Variants in ELOVL6 observed in about 807,000 individuals in gnomAD.
The protein encoded by ELOVL6 is very long chain fatty acid elongase 6.
A neutral mutation model predicts 31.7 loss-of-function variants in ELOVL6; 8 were observed. The ratio of observed to expected loss-of-function variants is 0.25; its 90% CI spans 0.15 to 0.45. The LOEUF is 0.45. Among genes scored for constraint, ELOVL6 ranks in the 20% least tolerant of loss-of-function variants. ELOVL6 has a pLI of 1.00. For missense variants in ELOVL6, 126 were observed against 326.4 expected (o/e 0.39, Z 4.73); for synonymous variants, 101 against 117.7 (o/e 0.86, Z 0.92).
chr4:110,098,687 G>A (rs1449827178), intron 2 of ELOVL6, among the ~76,000 whole-genome samples: 2 of 151,964 alleles, frequency 1.3e-5, no homozygotes, highest in African/African-American at 2.4e-5. Context: ...TTTCATAAAT[G>A]ATTTTACACT....
intron 1 of ELOVL6, among the ~76,000 whole-genome samples, chr4:110,156,553 C>T (rs1209473839): frequency 6.6e-6 from 1 of 151,918 alleles, no homozygotes. Flanking sequence ...AGGCATGGCA[C>T]CAAGCATCTG....
intron 2 of ELOVL6, among the ~76,000 whole-genome samples, chr4:110,100,512 G>A (rs1756711366): frequency 6.6e-6 from 1 of 152,084 alleles, no homozygotes; most frequent in Non-Finnish European, 1.5e-5. Flanking sequence ...GTATGCTGCA[G>A]ATATGATTTA....
chr4:110,150,854 C>A (rs561667952), intron 1 of ELOVL6, among the ~76,000 whole-genome samples: 4 of 152,132 alleles, frequency 2.6e-5, no homozygotes, highest in African/African-American at 9.6e-5. Flanking sequence ...ACCAGCCTGG[C>A]CAACATGGTG....
At chr4:110,127,036 A>G (rs1398927796) in intron 1 of ELOVL6, among the ~76,000 whole-genome samples, 4 of 152,120 alleles carry the variant, frequency 2.6e-5, no homozygotes, top group African/African-American at 4.8e-5. Context: ...AGGAAAAGGA[A>G]AAGTAGTAGA....
At chr4:110,084,034 GGT>G (rs1756013367) in intron 2 of ELOVL6, among the ~76,000 whole-genome samples, 1 of 9,208 alleles carries the variant, frequency 1.1e-4, no homozygotes, top group Non-Finnish European at 2.7e-4. Flanking sequence ...TGCCATATAT[GGT>G]ATATAACACA....
rs1757229030 is a variant in ELOVL6, at chr4:110,117,918, A to ATC, written c.90-12291_90-12290insGA. 2.2e-4 allele frequency: 6 copies of ATC among 27,158 alleles called. 1 individual carries two copies. Among genetic ancestry groups the ATC allele is most frequent in the Non-Finnish European group, 3.8e-4 (6 of 15,858 alleles). 1.7% of individuals were successfully genotyped at this position (27,158 alleles called of 1,614,324 possible). On this transcript the variant is annotated intron_variant, in intron 1 of 3. Transcript: ENST00000302274. ...AAAAAAAAAAAATATATATATATAT[A>ATC]TATATATCTCCCCAGAGAGGAGAAA...
chr4:110,190,149 CTA>C (rs1759571305), intron 1 of ELOVL6, among the ~76,000 whole-genome samples: 1 of 151,846 alleles, frequency 6.6e-6, no homozygotes, highest in East Asian at 1.9e-4. Flanking sequence ...TATTACAAAA[CTA>C]TGAGTGATTT....
intron 2 of ELOVL6, among the ~76,000 whole-genome samples, chr4:110,089,358 G>C (rs529566632): frequency 6.6e-6 from 1 of 152,054 alleles, no homozygotes; most frequent in Non-Finnish European, 1.5e-5. Flanking sequence ...GGTATTCCTA[G>C]GATGTGAAAC....
At chr4:110,083,670 G>A (rs139037821) in intron 2 of ELOVL6, among the ~76,000 whole-genome samples, 1 of 151,580 alleles carries the variant, frequency 6.6e-6, no homozygotes, top group African/African-American at 2.4e-5. Context: ...AAGGACTGTA[G>A]TAATTACTAC....
chr4:110,045,864 G>C lies in ELOVL6; in HGVS notation c.*5474C>G, dbSNP rs1754687678. The C allele has an allele frequency of 1.3e-5, 2 of 152,098 alleles. No individual in the cohort carries two copies. The highest frequency in any genetic ancestry group is 4.8e-5 in the African/African-American group (2 of 41,400). The allele number at this position is 152,098 out of a possible 1,614,324, so 9.4% of individuals were successfully genotyped here. A position where few individuals can be genotyped will look rare whatever the true frequency, so the allele number is the denominator to read the frequency against. On this transcript the variant is annotated 3_prime_UTR_variant, in exon 4 of 4. Transcript: ENST00000302274. ...AACACAGTTTGATTTTAAATCAAAA[G>C]TTATGATTTTATTTTTAATTTTAAT...
intron 1 of ELOVL6, among the ~76,000 whole-genome samples, chr4:110,172,807 C>G (rs140535360): frequency 3.3e-5 from 5 of 152,182 alleles, no homozygotes; most frequent in African/African-American, 1.2e-4. Context: ...AGTCTTGTTA[C>G]AGTGAAACAA....
At chr4:110,151,295 A>G (rs188484702) in intron 1 of ELOVL6, among the ~76,000 whole-genome samples, 1 of 151,924 alleles carries the variant, frequency 6.6e-6, no homozygotes, top group Non-Finnish European at 1.5e-5. Context: ...GTCTAAACAC[A>G]AAATTGATTG....
chr4:110,080,379 A>G (rs1341524044), intron 2 of ELOVL6, among the ~76,000 whole-genome samples: 1 of 152,224 alleles, frequency 6.6e-6, no homozygotes, highest in East Asian at 1.9e-4. Flanking sequence ...AGCGCATCAA[A>G]AAGCTTAAAC....
At chr4:110,134,860 G>C (rs938833506) in intron 1 of ELOVL6, among the ~76,000 whole-genome samples, 6 of 151,986 alleles carry the variant, frequency 3.9e-5, no homozygotes, top group Non-Finnish European at 7.4e-5. Flanking sequence ...TCAGGAGGCT[G>C]GGGTGGGAAG....
chr4:110,112,430 C>T (rs1289661841), intron 1 of ELOVL6, among the ~76,000 whole-genome samples: 2 of 152,162 alleles, frequency 1.3e-5, no homozygotes, highest in Non-Finnish European at 2.9e-5. Context: ...AGTTTCAATC[C>T]TAAAGCGTTG....
At chr4:110,171,411 A>AAAATAAATAAATAAAT (rs59222203) in intron 1 of ELOVL6, among the ~76,000 whole-genome samples, 64 of 146,504 alleles carry the variant, frequency 4.4e-4, no homozygotes, top group East Asian at 2.0e-3. Context: ...CTCCATCTCA[A>AAAATAAATAAATAAAT]AAATAAATAA....
chr4:110,124,401 T>C (rs1051033139), intron 1 of ELOVL6, among the ~76,000 whole-genome samples: 7 of 152,178 alleles, frequency 4.6e-5, no homozygotes, highest in African/African-American at 1.7e-4. Flanking sequence ...TCATGTCCTT[T>C]GCAGGGACAT....
chr4:110,164,718 G>A (rs1346507631), intron 1 of ELOVL6, among the ~76,000 whole-genome samples: 1 of 145,278 alleles, frequency 6.9e-6, no homozygotes, highest in South Asian at 2.3e-4. Context: ...TCCAGCCTGG[G>A]TGAAAGTGGG....
intron 1 of ELOVL6, among the ~76,000 whole-genome samples, chr4:110,176,535 G>A (rs370995519): frequency 1.4e-4 from 22 of 152,232 alleles, no homozygotes; most frequent in Non-Finnish European, 2.4e-4. Context: ...GATTTTTACC[G>A]CAACCTGAAA....
Sources: gnomAD v4.1 joint callset for allele counts (sites outside exome capture counted in the v4.1 genomes callset) on GRCh38, gnomAD v4.1.1 for gene constraint, MANE v1.5 for transcripts, NCBI Gene and HGNC (gene_info 2026-07-23, HGNC 2026-07-21) for gene names.